The following KCNG2 variants were observed in gnomAD, a reference collection of about 807,000 sequenced individuals.
KCNG2 encodes the protein voltage-gated potassium channel regulatory subunit KCNG2.
Under a neutral mutation model 12.3 loss-of-function variants are expected in KCNG2, and 7 were observed. That is an observed-to-expected ratio of 0.57 (90% CI 0.32 to 1.07). KCNG2 has a LOEUF of 1.07. Ranked by LOEUF, KCNG2 falls within the 50% of genes least tolerant of loss-of-function variation. The probability of loss-of-function intolerance (pLI) is 0.04; values close to 1 mark genes in which losing one functional copy is unlikely to be tolerated. For synonymous variants in KCNG2, 414 were observed against 351.4 expected (o/e 1.18, Z -1.99); for missense variants, 703 against 726.0 (o/e 0.97, Z 0.36).
chr18:79,847,312 G>C (rs1978659598), intron 1 of KCNG2, among the ~76,000 whole-genome samples: 1 of 152,188 alleles, frequency 6.6e-6, no homozygotes, highest in Middle Eastern at 3.2e-3. Context: ...GCCATCCTGG[G>C]CACTGTGGGT....
At chr18:79,842,192 A>AC (rs1452065954) in intron 1 of KCNG2, among the ~76,000 whole-genome samples, 2 of 152,200 alleles carry the variant, frequency 1.3e-5, no homozygotes, top group African/African-American at 4.8e-5. Context: ...AGACCCAGAT[A>AC]CCGCCTACTC....
At chr18:79,878,065 G>A (rs1038634043) in intron 3 of KCNG2, among the ~76,000 whole-genome samples, 2 of 152,280 alleles carry the variant, frequency 1.3e-5, no homozygotes, top group African/African-American at 2.4e-5. Flanking sequence ...CTGCCGCGTG[G>A]TGTGAGCGTG....
intron 1 of KCNG2, among the ~76,000 whole-genome samples, chr18:79,805,863 GCACA>G (rs36068585): frequency 0.19 from 28,665 of 151,004 alleles, 2,880 homozygotes; most frequent in Middle Eastern, 0.25. Flanking sequence ...AGGTCCACAT[GCACA>G]CACACACACA....
chr18:79,835,668 C>T (rs1195335172), intron 1 of KCNG2, among the ~76,000 whole-genome samples: 6 of 152,292 alleles, frequency 3.9e-5, no homozygotes, highest in East Asian at 1.9e-4. Context: ...TCCTTCTCCA[C>T]GTGAGTTTTC....
intron 1 of KCNG2, among the ~76,000 whole-genome samples, chr18:79,802,291 G>A (rs377098006): frequency 2.4e-4 from 37 of 152,302 alleles, no homozygotes; most frequent in African/African-American, 7.5e-4. Context: ...AGGTGGACGC[G>A]GCTCATGGAG....
At chr18:79,809,550 G>T (rs647359) in intron 1 of KCNG2, among the ~76,000 whole-genome samples, 6,576 of 59,596 alleles carry the variant, frequency 0.11, 848 homozygotes, top group Middle Eastern at 0.19. Flanking sequence ...CACGTTACCG[G>T]CCCAGAGTCC....
At chr18:79,880,733 A>G (rs1007659459) in intron 3 of KCNG2, among the ~76,000 whole-genome samples, 1 of 152,198 alleles carries the variant, frequency 6.6e-6, no homozygotes, top group African/African-American at 2.4e-5. Flanking sequence ...GTAAAGACAT[A>G]AAAAGCACAG....
intron 3 of KCNG2, among the ~76,000 whole-genome samples, chr18:79,882,214 A>G (rs1163956165): frequency 6.6e-6 from 1 of 152,262 alleles, no homozygotes; most frequent in Non-Finnish European, 1.5e-5. Flanking sequence ...TCACTTCATT[A>G]GAATCTAAAA....
chr18:79,843,050 A>G (rs1421865636), intron 1 of KCNG2, among the ~76,000 whole-genome samples: 1 of 152,214 alleles, frequency 6.6e-6, no homozygotes, highest in Non-Finnish European at 1.5e-5. Context: ...TTACCAAGAC[A>G]CATTATAATA....
chr18:79,864,015 G>T lies in KCNG2; in HGVS notation c.348G>T (p.Glu116Asp). 1 of 1,173,594 alleles carries T rather than the reference G, an allele frequency of 8.5e-7. No homozygotes were observed. The highest frequency in any genetic ancestry group is 1.1e-6 in the Non-Finnish European group (1 of 949,340). The allele number at this position is 1,173,594 out of a possible 1,614,324, so 72.7% of individuals were successfully genotyped here. Residue 116 changes from glutamate to aspartate, a missense_variant, in exon 3 of 4, where the codon GAG becomes GAT. Coordinates refer to ENST00000316249, the MANE Select transcript of KCNG2 (RefSeq NM_012283.2). ...GGGGCATCGACGAGGCGCGCCTGGA[G>T]CGCTGCTGCCTGCGCCGCCTGCGCC... ...AYWGIDEARL[E>D]RCCLRRLRRR...
Position 79,882,713 on chromosome 18 carries a change from GGCCATGGAGTGGCGAGGCT to G in KCNG2, c.625-16304_625-16286del, listed in dbSNP as rs565432388. The stretch of plus-strand genomic sequence containing the variant: ...CGGCCGGCAAGGCTCAGGACCTGCA[GGCCATGGAGTGGCGAGGCT>G]GCCATGGAGTGGCGAGGCTGCCGTG... On this transcript the variant is annotated intron_variant, in intron 3 of 3. Transcript: ENST00000316249. 4.8e-3 allele frequency among the ~76,000 whole-genome samples: 734 copies of G among 152,174 alleles called. 10 individuals are homozygous for G. The highest frequency in any genetic ancestry group is 0.029 in the South Asian group (141 of 4,804).
chr18:79,899,753 C>T lies in KCNG2; in HGVS notation c.1338C>T (p.Gly446=). The T allele has an allele frequency of 1.3e-6, 2 of 1,576,436 alleles. No individual in the cohort carries two copies. The highest frequency in any genetic ancestry group is 1.1e-5 in the South Asian group (1 of 87,160). Residue 446 remains glycine (G), a synonymous_variant, in exon 4 of 4, where the codon GGC becomes GGT. Coordinates refer to ENST00000316249, the MANE Select transcript of KCNG2 (RefSeq NM_012283.2). ...CAGCCACCGAGGACAGCTCGCAGGG[C>T]CCCGACAGCGCGGGCCTGGCCGACG... is the stretch of plus-strand genomic sequence containing the variant. The part of the protein sequence containing the change: ...SATATEDSSQ[G]PDSAGLADDS...
intron 3 of KCNG2, among the ~76,000 whole-genome samples, chr18:79,869,217 C>T (rs62103193): frequency 0.11 from 16,065 of 152,244 alleles, 996 homozygotes; most frequent in Middle Eastern, 0.17. Context: ...GCCCGCCCCG[C>T]GCTGAGTCTC....
intron 1 of KCNG2, among the ~76,000 whole-genome samples, chr18:79,802,732 T>C (rs2087420767): frequency 6.6e-6 from 1 of 151,530 alleles, no homozygotes; most frequent in Admixed American, 6.6e-5. Context: ...TTCCTGGCTT[T>C]TTTTTTTTTC....
intron 1 of KCNG2, among the ~76,000 whole-genome samples, chr18:79,854,472 C>T (rs1175056327): frequency 2.0e-5 from 3 of 152,046 alleles, no homozygotes; most frequent in Non-Finnish European, 4.4e-5. Context: ...TAATGATAGA[C>T]CTCCTGCCTT....
rs550107122 is a variant in KCNG2 at position 79,850,947 on chromosome 18, G to A, written c.-114-5432G>A. Among the ~76,000 whole-genome samples the A allele has an allele frequency of 3.4e-4, 52 of 152,266 alleles. No individual in the cohort carries two copies. In the East Asian group the frequency reaches 9.7e-3, roughly 28 times the overall value. On this transcript the variant is annotated intron_variant, in intron 1 of 3. Coordinates refer to ENST00000316249, the MANE Select transcript of KCNG2 (RefSeq NM_012283.2). ...GGCCTGCGGTTCCAGCTCTCATGCC[G>A]AACATCCGTGGAGTCTTCGTGTTAC...
chr18:79,865,373 G>GA (rs1979443920), intron 3 of KCNG2, among the ~76,000 whole-genome samples: 1 of 136,726 alleles, frequency 7.3e-6, no homozygotes, highest in South Asian at 2.4e-4. Context: ...TGTGTGCTGA[G>GA]AGTGTGGGTG....
chr18:79,815,551 A>G (rs931341503), intron 1 of KCNG2, among the ~76,000 whole-genome samples: 1 of 152,004 alleles, frequency 6.6e-6, no homozygotes, highest in Admixed American at 6.6e-5. Flanking sequence ...TTTCTGCTGG[A>G]TTCCTGAGGT....
chr18:79,811,480 G>A (rs1346503849), intron 1 of KCNG2, among the ~76,000 whole-genome samples: 1 of 152,148 alleles, frequency 6.6e-6, no homozygotes, highest in Non-Finnish European at 1.5e-5. Context: ...AGAAAGAATA[G>A]TCTCTTCAGC....
Sources: allele counts gnomAD v4.1 joint callset (sites outside exome capture counted in the v4.1 genomes callset), GRCh38; gene constraint gnomAD v4.1.1; transcripts MANE v1.5; gene names NCBI Gene and HGNC (gene_info 2026-07-23, HGNC 2026-07-21).